The following DAB1 variants were observed in gnomAD, a reference collection of about 807,000 sequenced individuals.
DAB1 encodes the protein disabled homolog 1.
A neutral mutation model predicts 64.6 loss-of-function variants in DAB1; 15 were observed. The ratio of observed to expected loss-of-function variants is 0.23; its 90% CI spans 0.16 to 0.36. The LOEUF (loss-of-function observed/expected upper bound fraction) is 0.36, where lower values mean the gene tolerates loss of function less well. Ranked by LOEUF, DAB1 falls within the 10% of genes least tolerant of loss-of-function variation. The pLI is 1.00. For missense variants in DAB1, 596 were observed against 706.7 expected (o/e 0.84, Z 1.78); for synonymous variants, 235 against 251.9 (o/e 0.93, Z 0.64).
At chr1:58,433,113 C>A (rs577875788) in intron 3 of DAB1, among the ~76,000 whole-genome samples, 2 of 152,290 alleles carry the variant, frequency 1.3e-5, no homozygotes, top group East Asian at 1.9e-4. Flanking sequence ...CCCACACCCC[C>A]CCTATTTCGT....
intron 8 of DAB1, among the ~76,000 whole-genome samples, chr1:57,064,783 G>A (rs760781584): frequency 2.6e-5 from 4 of 152,188 alleles, no homozygotes; most frequent in South Asian, 2.1e-4. Context: ...GAGCATGGCC[G>A]TGTCAGTGGT....
chr1:57,136,705 A>C (rs1658149864), intron 3 of DAB1, 64 bp from the exon 4 acceptor site: 2 of 1,146,982 alleles, frequency 1.7e-6, no homozygotes, highest in Admixed American at 2.2e-5. Context: ...CTCTGGTCCC[A>C]AAGGTATGTC....
intron 4 of DAB1, among the ~76,000 whole-genome samples, chr1:58,288,032 A>AAAG (rs1323752057): frequency 9.0e-5 from 13 of 145,124 alleles, no homozygotes; most frequent in African/African-American, 2.7e-4. Context: ...AAAAAAAAAA[A>AAAG]AAAAAAAAAA....
intron 3 of DAB1, among the ~76,000 whole-genome samples, chr1:58,399,786 G>A (rs1431652407): frequency 6.6e-6 from 1 of 152,144 alleles, no homozygotes; most frequent in Non-Finnish European, 1.5e-5. Context: ...TACAGAAGGG[G>A]AAATGGAGGC....
intron 1 of DAB1, among the ~76,000 whole-genome samples, chr1:57,838,031 A>G (rs1487174577): frequency 1.3e-5 from 2 of 151,980 alleles, no homozygotes; most frequent in East Asian, 1.9e-4. Context: ...TTACTCTGCT[A>G]TAGGCACTCT....
At chr1:58,242,397 T>C (rs182323323) in intron 4 of DAB1, among the ~76,000 whole-genome samples, 134 of 152,170 alleles carry the variant, frequency 8.8e-4, no homozygotes, top group African/African-American at 3.1e-3. Context: ...AAAAAGTAGA[T>C]ATCCCGGATA....
chr1:57,347,107 T>C (rs1159385271), intron 1 of DAB1, among the ~76,000 whole-genome samples: 1 of 152,202 alleles, frequency 6.6e-6, no homozygotes, highest in Admixed American at 6.5e-5. Context: ...GAGAGCCCAT[T>C]CAGTGCAGGG....
intron 2 of DAB1, among the ~76,000 whole-genome samples, chr1:57,284,141 T>C (rs936828616): frequency 3.3e-5 from 5 of 152,296 alleles, no homozygotes; most frequent in Admixed American, 2.6e-4. Flanking sequence ...AAAAATAAAC[T>C]TGGAGTCAAA....
At chr1:57,446,324 G>A (rs768660913) in intron 7 of DAB1, among the ~76,000 whole-genome samples, 1 of 152,052 alleles carries the variant, frequency 6.6e-6, no homozygotes, top group Non-Finnish European at 1.5e-5. Context: ...TAGGCCAGGC[G>A]TGGTGGCTCA....
At chr1:57,814,380 T>C (rs1233531083) in intron 6 of DAB1, among the ~76,000 whole-genome samples, 3 of 152,178 alleles carry the variant, frequency 2.0e-5, no homozygotes, top group Admixed American at 2.0e-4. Context: ...GGTTTACATA[T>C]GGGCTCAAGA....
chr1:57,565,515 T>C (rs1228862986), intron 7 of DAB1, among the ~76,000 whole-genome samples: 3 of 152,166 alleles, frequency 2.0e-5, no homozygotes. Flanking sequence ...CAGTGTGTTG[T>C]ATTCTGGAGA....
intron 7 of DAB1, among the ~76,000 whole-genome samples, chr1:57,492,144 C>A (rs1644173366): frequency 6.6e-6 from 1 of 152,204 alleles, no homozygotes; most frequent in African/African-American, 2.4e-5. Flanking sequence ...TGTTCATAGT[C>A]TCCTGAAAAG....
intron 2 of DAB1, among the ~76,000 whole-genome samples, chr1:57,235,545 A>G (rs1318960548): frequency 1.3e-5 from 2 of 152,170 alleles, no homozygotes; most frequent in Non-Finnish European, 2.9e-5. Flanking sequence ...CACATTATCC[A>G]TGGTGGGTGG....
chr1:57,012,475 A>G (rs1184011636), intron 12 of DAB1, among the ~76,000 whole-genome samples: 1 of 152,192 alleles, frequency 6.6e-6, no homozygotes, highest in African/African-American at 2.4e-5. Context: ...CTGGCATTTA[A>G]CAGAGCTCTG....
chr1:57,159,856 CAAAAAAAA>C (rs398049302), intron 2 of DAB1, among the ~76,000 whole-genome samples: 9,882 of 86,546 alleles, frequency 0.11, 443 homozygotes, highest in Middle Eastern at 0.29. Context: ...AGCAGCAAGA[CAAAAAAAA>C]AAAAAAAAAA....
intron 6 of DAB1, among the ~76,000 whole-genome samples, chr1:57,691,229 T>TA (rs1325535715): frequency 6.6e-6 from 1 of 152,102 alleles, no homozygotes; most frequent in East Asian, 1.9e-4. Flanking sequence ...CAGCACTCTG[T>TA]AAAAATGCAC....
chr1:58,433,567 A>AAGAGAG (rs67547933), intron 3 of DAB1, among the ~76,000 whole-genome samples: 5 of 114,502 alleles, frequency 4.4e-5, no homozygotes, highest in African/African-American at 1.1e-4. Flanking sequence ...GTCCATGCAT[A>AAGAGAG]AGAGAGAGAG....
chr1:58,290,536 A>T (rs1440168706), intron 4 of DAB1, among the ~76,000 whole-genome samples: 1 of 152,158 alleles, frequency 6.6e-6, no homozygotes, highest in Non-Finnish European at 1.5e-5. Context: ...ACATTATCTA[A>T]TCTATATGTC....
chr1:58,492,200 T>C (rs946989496), intron 3 of DAB1, among the ~76,000 whole-genome samples: 6 of 152,216 alleles, frequency 3.9e-5, no homozygotes, highest in Admixed American at 6.5e-5. Flanking sequence ...GAAATAAAGA[T>C]GTTCTTTGAA....
Sources: gnomAD v4.1 joint callset for allele counts (sites outside exome capture counted in the v4.1 genomes callset) on GRCh38, gnomAD v4.1.1 for gene constraint, MANE v1.5 for transcripts, NCBI Gene and HGNC (gene_info 2026-07-23, HGNC 2026-07-21) for gene names.